Variants in HSPG2 observed in about 807,000 individuals in gnomAD.
HSPG2 encodes the protein basement membrane-specific heparan sulfate proteoglycan core protein.
Under a neutral mutation model 526.6 loss-of-function variants are expected in HSPG2, and 278 were observed. The ratio of observed to expected loss-of-function variants is 0.53; its 90% CI spans 0.48 to 0.58. The LOEUF (loss-of-function observed/expected upper bound fraction) is 0.58. Ranked by LOEUF, HSPG2 falls within the 20% of genes least tolerant of loss-of-function variation. HSPG2 has a pLI of 0.00. For missense variants in HSPG2, 5,354 were observed against 6,099.5 expected (o/e 0.88, Z 4.07); for synonymous variants, 2,465 against 2,555.4 (o/e 0.96, Z 1.07).
At chr1:21,850,519 T>A in intron 55 of HSPG2, 21 bp from the exon 56 acceptor site, 3 of 1,592,586 alleles carry the variant, frequency 1.9e-6, no homozygotes, top group Non-Finnish European at 2.6e-6. Context: ...TGGGGGTGAG[T>A]CAGAGGGAGC....
At chr1:21,899,882 T>C (rs1557810210) in intron 1 of HSPG2, among the ~76,000 whole-genome samples, 1 of 152,222 alleles carries the variant, frequency 6.6e-6, no homozygotes, top group Non-Finnish European at 1.5e-5. Context: ...GGGCTGGCCA[T>C]GAGGCCTAAG....
At position 21,842,346 on chromosome 1, in the gene HSPG2, G is replaced by T. The variant is rs997510021; in HGVS notation, c.8945C>A (p.Ser2982Tyr). 2 of 1,610,788 alleles carry T rather than the reference G, an allele frequency of 1.2e-6. No individual in the cohort carries two copies. Among genetic ancestry groups the T allele is most frequent in the Non-Finnish European group, 1.7e-6 (2 of 1,178,404 alleles). ...CACATACTCGCCTGAGTCGGCAGGG[G>T]AGACGAGGTGGAGCCGCAGCTGGGA... ...HGSQLRLHLV[S>Y]PADSGEYVCR... Residue 2982 changes from serine (S) to tyrosine (Y), a missense_variant, in exon 68 of 97, where the codon TCC becomes TAC. Ser to Tyr is a moderately radical substitution (Grantham distance 144, BLOSUM62 -2). Transcript: ENST00000374695.
chr1:21,917,662 T>C lies in HSPG2; in HGVS notation c.63+19493A>G, dbSNP rs188759479. Among the ~76,000 whole-genome samples, 6 of 152,196 alleles carry C rather than the reference T, an allele frequency of 3.9e-5. No homozygotes were observed. The East Asian group carries it at 5.8e-4, about 15-fold the overall frequency. On this transcript the variant is annotated intron_variant, in intron 1 of 96. Coordinates refer to ENST00000374695, the MANE Select transcript of HSPG2 (RefSeq NM_005529.7). ...CCACTCAGGGTAACACAGGGCACATTTGCCTGCCTCTAGGCCTTTAGTCAT... is the reference window on the plus strand; with the variant it reads ...CCACTCAGGGTAACACAGGGCACATCTGCCTGCCTCTAGGCCTTTAGTCAT...
rs2097953654 is a variant in HSPG2, at chr1:21,822,265, T to C, written c.*1051A>G. The C allele has an allele frequency of 6.3e-7, 1 of 1,586,512 alleles. No individual in the cohort carries two copies. The highest frequency in any genetic ancestry group is 1.7e-5 in the Admixed American group (1 of 59,952). ...CCCCTGGCGGGGATAGCACCGTTTA[T>C]TAAGAAAAATCAAGACAAAGACCAC... On this transcript the variant is annotated 3_prime_UTR_variant, in exon 97 of 97. Transcript: ENST00000374695.
intron 47 of HSPG2, 67 bp downstream of exon 47, chr1:21,855,237 G>A (rs946044045): frequency 2.1e-5 from 32 of 1,541,182 alleles, no homozygotes; most frequent in Non-Finnish European, 2.6e-6. Flanking sequence ...GAAGGGGGAG[G>A]GAAGGTGGCT....
intron 1 of HSPG2, among the ~76,000 whole-genome samples, chr1:21,909,827 C>G (rs1643569683): frequency 6.6e-6 from 1 of 152,224 alleles, no homozygotes; most frequent in Non-Finnish European, 1.5e-5. Flanking sequence ...AGGGCCTGGG[C>G]TAGGCCCACC....
rs116483196 is a variant in HSPG2, at chr1:21,866,259, A to C, written c.4222-450T>G. On this transcript the variant is annotated intron_variant, in intron 33 of 96. Coordinates refer to ENST00000374695, the MANE Select transcript of HSPG2 (RefSeq NM_005529.7). ...CTAGGCAGGTGGTTTTTGTTTGCCCAGTATCCAGTTCCTGCTTTCTAGAAA... is the reference window on the plus strand; with the variant it reads ...CTAGGCAGGTGGTTTTTGTTTGCCCCGTATCCAGTTCCTGCTTTCTAGAAA... 4.1e-3 allele frequency among the ~76,000 whole-genome samples: 627 copies of C among 152,288 alleles called. 1 individual carries two copies. The highest frequency in any genetic ancestry group is 0.014 in the African/African-American group (597 of 41,566).
chr1:21,849,963 C>A (rs1557712260), intron 57 of HSPG2, 78 bp downstream of exon 57: 2 of 1,573,280 alleles, frequency 1.3e-6, no homozygotes, highest in East Asian at 4.5e-5. Flanking sequence ...CAGGCGTGAG[C>A]CACTGCGCCC....
chr1:21,873,839 C>G, intron 29 of HSPG2, 86 bp downstream of exon 29: 2 of 1,188,860 alleles, frequency 1.7e-6, no homozygotes, highest in Admixed American at 4.5e-5. Flanking sequence ...CCTGATTCCT[C>G]TGGGTTGGGA....
In HSPG2 at chr1:21,847,543, G is replaced by A; in HGVS notation, c.8026-51C>T. On this transcript the variant is annotated intron_variant, in intron 61 of 96. Transcript: ENST00000374695. The surrounding 1 kb of genome is among the most constrained non-coding windows in gnomAD (Gnocchi z 4.1). ...GGGAGAGGGAGTGGAGGGACGCTGG[G>A]GTCACCAGCTGGCTCAGGCCTTCCT... The A allele has an allele frequency of 6.2e-7, 1 of 1,611,730 alleles. No individual in the cohort carries two copies. Among genetic ancestry groups the A allele is most frequent in the South Asian group, 1.1e-5 (1 of 91,008 alleles).
intron 1 of HSPG2, among the ~76,000 whole-genome samples, chr1:21,931,613 A>AG (rs1241921866): frequency 6.6e-6 from 1 of 151,982 alleles, no homozygotes; most frequent in African/African-American, 2.4e-5. Flanking sequence ...GGTGAAGGGG[A>AG]GGGGGGCAAC....
In HSPG2 at chr1:21,870,844, C is replaced by T. The variant is rs756054627; in HGVS notation, c.4221+1342G>A. 19 of 986,128 alleles carry T rather than the reference C, an allele frequency of 1.9e-5. No individual in the cohort carries two copies. The South Asian group carries it at 2.8e-4, about 15-fold the overall frequency. The allele number at this position is 986,128 out of a possible 1,614,324, so 61.1% of individuals were successfully genotyped here. On this transcript the variant is annotated intron_variant, in intron 33 of 96. Transcript: ENST00000374695. ...ACGTCCTGGGCCTACCTGGTGAGCCCGGCGCATCCGCGCAAAGTACGCCTC... is the reference window on the plus strand; with the variant it reads ...ACGTCCTGGGCCTACCTGGTGAGCCTGGCGCATCCGCGCAAAGTACGCCTC...
Position 21,937,287 on chromosome 1 carries a change from G to T in HSPG2, c.-70C>A. The T allele has an allele frequency of 4.1e-6, 2 of 490,890 alleles. No homozygotes were observed. The highest frequency in any genetic ancestry group is 5.0e-6 in the Non-Finnish European group (2 of 402,370). The allele number at this position is 490,890 out of a possible 1,614,324, so 30.4% of individuals were successfully genotyped here. A position where few individuals can be genotyped will look rare whatever the true frequency, so the allele number is the denominator to read the frequency against. On this transcript the variant is annotated 5_prime_UTR_variant, in exon 1 of 97. Coordinates refer to ENST00000374695, the MANE Select transcript of HSPG2 (RefSeq NM_005529.7). ...CGCTCCGCGCCGCCCGCAGCCGCCCGCTCGCCGGCCAGCTCGGGACAGCGC... is the reference window on the plus strand; with the variant it reads ...CGCTCCGCGCCGCCCGCAGCCGCCCTCTCGCCGGCCAGCTCGGGACAGCGC...
intron 17 of HSPG2, 135 bp from the exon 18 acceptor site, chr1:21,879,256 C>T: frequency 2.1e-6 from 2 of 951,654 alleles, no homozygotes; most frequent in Non-Finnish European, 3.3e-6. Context: ...GGAGCATCAA[C>T]TGCAACCACT....
intron 91 of HSPG2, among the ~76,000 whole-genome samples, chr1:21,827,621 A>C (rs2097982084): frequency 6.6e-6 from 1 of 152,210 alleles, no homozygotes. Context: ...TTGTTGACTG[A>C]ATACATGAAT....
intron 1 of HSPG2, among the ~76,000 whole-genome samples, chr1:21,909,697 C>G (rs967684636): frequency 6.6e-6 from 1 of 152,192 alleles, no homozygotes; most frequent in South Asian, 2.1e-4. Context: ...CCAGTCAGTA[C>G]CCCACCAACC....
At position 21,824,057 on chromosome 1, in the gene HSPG2, G is replaced by A. The variant is rs556426564; in HGVS notation, c.12899+64C>T. On this transcript the variant is annotated intron_variant, in intron 95 of 96. Transcript: ENST00000374695. This position sits in a 1 kb window ranked among gnomAD's most constrained non-coding sequence, Gnocchi z 5.9. ...AATACCTGCCTCTCTGCCCATGGTA[G>A]GGGGCGTCCTGCCCCACTCCAGAAC... 9.2e-6 allele frequency: 13 copies of A among 1,419,238 alleles called. No individual in the cohort carries two copies. Among genetic ancestry groups the A allele is most frequent in the Middle Eastern group, 2.4e-4 (1 of 4,220 alleles). The allele number at this position is 1,419,238 out of a possible 1,614,324, so 87.9% of individuals were successfully genotyped here. A position where few individuals can be genotyped will look rare whatever the true frequency, so the allele number is the denominator to read the frequency against.
rs2152700073 is a variant in HSPG2, at chr1:21,836,947, C to T, written c.10210G>A (p.Val3404Ile). 1 of 1,556,684 alleles carries T rather than the reference C, an allele frequency of 6.4e-7. No individual in the cohort carries two copies. The highest frequency in any genetic ancestry group is 8.7e-7 in the Non-Finnish European group (1 of 1,150,058). The stretch of plus-strand genomic sequence containing the variant: ...CTCTTGGTCTCTAGCTGAGGCGTGA[C>T]CTGCACGGTGGGCGTGGACCCTGCT... ...IPAGSTPTVQ[V>I]TPQLETKSIG... Residue 3404 changes from valine to isoleucine, a missense_variant, in exon 75 of 97, where the codon GTC becomes ATC. Val to Ile is a conservative substitution (Grantham distance 29, BLOSUM62 3). Transcript: ENST00000374695.
At position 21,890,423 on chromosome 1, in the gene HSPG2, T is replaced by G; in HGVS notation, c.413+4A>C. ...CCAGCAGCCCCCAGGGAGCCCCTTC[T>G]CACTTGATGAACACCACACTGACAA... On this transcript the variant is annotated splice_donor_region_variant and intron_variant, in intron 5 of 96. Coordinates refer to ENST00000374695, the MANE Select transcript of HSPG2 (RefSeq NM_005529.7). This position sits in a 1 kb window ranked among gnomAD's most constrained non-coding sequence, Gnocchi z 4.1. 1 of 1,613,624 alleles carries G rather than the reference T, an allele frequency of 6.2e-7. No individual in the cohort carries two copies. The highest frequency in any genetic ancestry group is 8.5e-7 in the Non-Finnish European group (1 of 1,179,772).
Sources: gnomAD v4.1 joint callset for allele counts (sites outside exome capture counted in the v4.1 genomes callset) on GRCh38, gnomAD v4.1.1 for gene constraint, Gnocchi (gnomAD v3.1) non-coding constraint, MANE v1.5 for transcripts, NCBI Gene and HGNC (gene_info 2026-07-23, HGNC 2026-07-21) for gene names.